Variants in CSMD1 observed in about 807,000 individuals in gnomAD.
The protein encoded by CSMD1 is CUB and sushi domain-containing protein 1.
CSMD1 carries 213 observed loss-of-function variants against 417.5 expected under a neutral mutation model. The observed-to-expected ratio is 0.51, with a 90% CI of 0.46 to 0.57. CSMD1 has a LOEUF of 0.57. Ranked by LOEUF, CSMD1 falls within the 20% of genes least tolerant of loss-of-function variation. CSMD1 has a pLI of 0.00. For missense variants in CSMD1, 6,923 were observed against 4,529.7 expected (o/e 1.53, Z -15.17); for synonymous variants, 2,862 against 1,736.8 (o/e 1.65, Z -16.11).
At chr8:4,509,207 T>C (rs1420618913) in intron 2 of CSMD1, among the ~76,000 whole-genome samples, 1 of 152,110 alleles carries the variant, frequency 6.6e-6, no homozygotes, top group Non-Finnish European at 1.5e-5. Context: ...CATTATAAAT[T>C]TGCAAGATGA....
chr8:3,350,155 ATG>A lies in CSMD1; in HGVS notation c.3305-1996_3305-1995del, dbSNP rs1187553925. On this transcript the variant is annotated intron_variant, in intron 21 of 69. Transcript: ENST00000635120. ...TATAATAACCTATAATAACTTGTGT[ATG>A]TGTGTGTTATAATACCTATAATAAC... is the stretch of plus-strand genomic sequence containing the variant. 7.7e-5 allele frequency among the ~76,000 whole-genome samples: 4 copies of A among 51,620 alleles called. 1 individual carries two copies. The highest frequency in any genetic ancestry group is 1.6e-4 in the Non-Finnish European group (4 of 24,684). The allele number at this position is 51,620 out of a possible 152,430, so 33.9% of individuals were successfully genotyped here. A position where few individuals can be genotyped will look rare whatever the true frequency, so the allele number is the denominator to read the frequency against.
At chr8:4,628,439 CATATATACACATATACAT>C (rs1802261195) in intron 2 of CSMD1, among the ~76,000 whole-genome samples, 1 of 146,210 alleles carries the variant, frequency 6.8e-6, no homozygotes, top group Non-Finnish European at 1.5e-5. Context: ...CACATATACA[CATATATACACATATACAT>C]ATATATGTAT....
chr8:4,144,233 A>C (rs1022676775), intron 3 of CSMD1, among the ~76,000 whole-genome samples: 1 of 150,830 alleles, frequency 6.6e-6, no homozygotes, highest in African/African-American at 2.5e-5. Context: ...ATTCAGCACA[A>C]ACTGGCCGTA....
chr8:4,451,080 C>A (rs1006313539), intron 2 of CSMD1, among the ~76,000 whole-genome samples: 1 of 152,140 alleles, frequency 6.6e-6, no homozygotes. Context: ...CAGTCAAGCA[C>A]TTTGGGAGGC....
In CSMD1 at chr8:4,032,048, A is replaced by T. The variant is rs1797375544; in HGVS notation, c.467T>A (p.Leu156Gln). ...GNPGEILKGV[L>Q]HGTRFNIGDK... ...TCCTATGTTGAATCTCGTTCCATGCAGAACTCCTTTCAGGATTTCTCCAGG... is the reference window on the plus strand; with the variant it reads ...TCCTATGTTGAATCTCGTTCCATGCTGAACTCCTTTCAGGATTTCTCCAGG... The change falls in exon 4 of 70, where the codon CTG becomes CAG. Residue 156 changes from leucine to glutamine, a missense_variant. Leu to Gln is a moderately radical substitution (Grantham distance 113). Transcript: ENST00000635120. 1 of 1,613,962 alleles carries T rather than the reference A, an allele frequency of 6.2e-7. No homozygotes were observed. Among genetic ancestry groups the T allele is most frequent in the East Asian group, 2.2e-5 (1 of 44,884 alleles).
Position 4,596,867 on chromosome 8 carries a change from C to G in CSMD1, c.302+40475G>C, listed in dbSNP as rs931023245. On this transcript the variant is annotated intron_variant, in intron 2 of 69. Transcript: ENST00000635120. ...AATTGAATCATGGGGGCTGATCTTT[C>G]CCATGCTATTCTTCTGATAGCGAAT... 8.8e-4 allele frequency among the ~76,000 whole-genome samples: 134 copies of G among 152,130 alleles called. 1 individual carries two copies. The highest frequency in any genetic ancestry group is 2.6e-4 in the Admixed American group (4 of 15,266).
intron 12 of CSMD1, among the ~76,000 whole-genome samples, chr8:3,460,715 G>C (rs1034359786): frequency 1.3e-5 from 2 of 152,146 alleles, no homozygotes; most frequent in African/African-American, 4.8e-5. Context: ...TCGCTAAGAA[G>C]AAATAACACA....
At chr8:4,761,639 A>G (rs984251286) in intron 1 of CSMD1, among the ~76,000 whole-genome samples, 1 of 152,136 alleles carries the variant, frequency 6.6e-6, no homozygotes. Context: ...TGAAATCATT[A>G]TAATTCAGAA....
chr8:3,775,126 G>C (rs139559798), intron 5 of CSMD1, among the ~76,000 whole-genome samples: 36 of 152,274 alleles, frequency 2.4e-4, no homozygotes, highest in Non-Finnish European at 4.6e-4. Context: ...GTTGACCGTA[G>C]GTAACTGAAA....
intron 1 of CSMD1, among the ~76,000 whole-genome samples, chr8:4,868,186 T>C (rs1284472391): frequency 6.6e-6 from 1 of 152,132 alleles, no homozygotes; most frequent in East Asian, 1.9e-4. Flanking sequence ...ATATGCAAAC[T>C]GTTTAGAAAA....
intron 1 of CSMD1, among the ~76,000 whole-genome samples, chr8:4,964,780 T>A (rs1348369116): frequency 6.6e-6 from 1 of 152,158 alleles, no homozygotes. Context: ...ATTTTGTGAA[T>A]GAAATTGTTC....
At chr8:4,191,178 C>T (rs753681829) in intron 3 of CSMD1, among the ~76,000 whole-genome samples, 6 of 152,122 alleles carry the variant, frequency 3.9e-5, no homozygotes, top group Admixed American at 1.3e-4. Context: ...AGGTGGATCA[C>T]GACGTCAGGA....
At chr8:3,855,255 T>G (rs975017668) in intron 5 of CSMD1, among the ~76,000 whole-genome samples, 1 of 152,182 alleles carries the variant, frequency 6.6e-6, no homozygotes, top group African/African-American at 2.4e-5. Context: ...ACCATAGATT[T>G]TTACTATATT....
chr8:3,356,142 G>C (rs919783123), intron 21 of CSMD1, among the ~76,000 whole-genome samples: 1 of 152,260 alleles, frequency 6.6e-6, no homozygotes, highest in Admixed American at 6.5e-5. Flanking sequence ...TAACTCAGTC[G>C]ACATCCTTAG....
At chr8:4,573,076 T>G (rs1420853295) in intron 2 of CSMD1, among the ~76,000 whole-genome samples, 1 of 152,176 alleles carries the variant, frequency 6.6e-6, no homozygotes, top group South Asian at 2.1e-4. Context: ...CTCCTTTAGC[T>G]CAGAGGAGTT....
intron 7 of CSMD1, among the ~76,000 whole-genome samples, chr8:3,679,642 C>T (rs1372961501): frequency 1.3e-5 from 2 of 152,118 alleles, no homozygotes; most frequent in Admixed American, 6.5e-5. Flanking sequence ...AGCAAGTTAA[C>T]AAGGATATCC....
chr8:3,419,441 G>C (rs556875995), intron 12 of CSMD1, among the ~76,000 whole-genome samples: 7 of 152,260 alleles, frequency 4.6e-5, no homozygotes, highest in African/African-American at 1.2e-4. Flanking sequence ...TGTTTTTCAA[G>C]TAATAAAAAT....
At chr8:3,790,583 T>C (rs1231638453) in intron 5 of CSMD1, among the ~76,000 whole-genome samples, 3 of 152,206 alleles carry the variant, frequency 2.0e-5, no homozygotes, top group Non-Finnish European at 4.4e-5. Flanking sequence ...TTTTTTTTTA[T>C]GTTTTTGGCA....
chr8:3,299,452 CA>C (rs376647244), intron 25 of CSMD1, among the ~76,000 whole-genome samples: 77 of 150,126 alleles, frequency 5.1e-4, no homozygotes, highest in African/African-American at 1.9e-3. Context: ...CACTTTGTCT[CA>C]AAAAAAAAGG....
Sources: allele counts gnomAD v4.1 joint callset (sites outside exome capture counted in the v4.1 genomes callset), GRCh38; gene constraint gnomAD v4.1.1; transcripts MANE v1.5; gene names NCBI Gene and HGNC (gene_info 2026-07-23, HGNC 2026-07-21).